GBE1: variants seen among roughly 807,000 people sequenced by gnomAD.
GBE1 encodes 1,4-alpha-glucan-branching enzyme.
A neutral mutation model predicts 88.8 loss-of-function variants in GBE1; 70 were observed. That is an observed-to-expected ratio of 0.79 (90% CI 0.65 to 0.96). The LOEUF (loss-of-function observed/expected upper bound fraction) is 0.96. Ranked by LOEUF, GBE1 falls within the 40% of genes least tolerant of loss-of-function variation. The pLI is 0.00. For missense variants in GBE1, 872 were observed against 871.0 expected, an observed-to-expected ratio of 1.00 and a Z score of -0.01; for synonymous variants, 284 against 300.1, an observed-to-expected ratio of 0.95 and a Z score of 0.56.
chr3:81,619,182 G>C (rs1704290682), intron 7 of GBE1, among the ~76,000 whole-genome samples: 1 of 84,910 alleles, frequency 1.2e-5, no homozygotes, highest in Non-Finnish European at 2.1e-5. Flanking sequence ...ATATTCTGCA[G>C]ACCCCTCAGC....
At chr3:81,501,975 T>A (rs370480635) in intron 14 of GBE1, among the ~76,000 whole-genome samples, 1 of 150,934 alleles carries the variant, frequency 6.6e-6, no homozygotes, top group Admixed American at 6.6e-5. Flanking sequence ...CTGGGATTAA[T>A]GAGCTACCAT....
intron 1 of GBE1, among the ~76,000 whole-genome samples, chr3:81,708,006 A>C (rs1385619032): frequency 6.6e-6 from 1 of 152,032 alleles, no homozygotes; most frequent in Non-Finnish European, 1.5e-5. Context: ...ATAACAAATA[A>C]CTACCATTTT....
chr3:81,761,301 C>A lies in GBE1; in HGVS notation c.143+74G>T, dbSNP rs557493948. 18 of 1,517,810 alleles carry A rather than the reference C, an allele frequency of 1.2e-5. No individual in the cohort carries two copies. In the African/African-American group the frequency reaches 1.3e-4, roughly 11 times the overall value. The allele number at this position is 1,517,810 out of a possible 1,614,324, so 94.0% of individuals were successfully genotyped here. On this transcript the variant is annotated intron_variant, in intron 1 of 15. Transcript: ENST00000429644. ...GGGTTGGCGCGCGAGGGCCGAGGGG[C>A]GGCCCGTGTCCCGAGACGGCTCCTG...
intron 3 of GBE1, among the ~76,000 whole-genome samples, chr3:81,662,663 A>C (rs1171681663): frequency 1.4e-5 from 2 of 139,494 alleles, no homozygotes; most frequent in Non-Finnish European, 3.1e-5. Context: ...ACAGTTTTGT[A>C]AAAAAAAAAA....
At chr3:81,565,833 T>C (rs946574052) in intron 12 of GBE1, among the ~76,000 whole-genome samples, 1 of 152,128 alleles carries the variant, frequency 6.6e-6, no homozygotes, top group Non-Finnish European at 1.5e-5. Flanking sequence ...AAACAAAAAA[T>C]ACTTTGTTCT....
At chr3:81,702,044 T>G (rs1705695636) in intron 2 of GBE1, among the ~76,000 whole-genome samples, 1 of 150,558 alleles carries the variant, frequency 6.6e-6, no homozygotes, top group African/African-American at 2.4e-5. Flanking sequence ...AAAAACGGAT[T>G]TTATGTTAAT....
At chr3:81,680,400 G>T (rs1013256145) in intron 2 of GBE1, among the ~76,000 whole-genome samples, 1 of 151,786 alleles carries the variant, frequency 6.6e-6, no homozygotes, top group Non-Finnish European at 1.5e-5. Context: ...GGAAGCTGAG[G>T]CAGGAGAATG....
rs547372570 is a variant in GBE1, at chr3:81,741,339, T to C, written c.143+20036A>G. Among the ~76,000 whole-genome samples the C allele has an allele frequency of 2.0e-5, 3 of 152,216 alleles. No individual in the cohort carries two copies. In the South Asian group the frequency reaches 6.2e-4, roughly 32 times the overall value. ...TTTTTTTTAAGCCAAAGAAAAAGTA[T>C]TCAGACCTGGAGTGAATCACAATGC... On this transcript the variant is annotated intron_variant, in intron 1 of 15. Transcript: ENST00000429644.
chr3:81,688,974 T>A (rs1007624070), intron 2 of GBE1, among the ~76,000 whole-genome samples: 2 of 152,160 alleles, frequency 1.3e-5, no homozygotes, highest in Non-Finnish European at 2.9e-5. Context: ...AGGCTATTAA[T>A]CTAAAAATTC....
chr3:81,627,068 C>T (rs1039983640), intron 7 of GBE1, among the ~76,000 whole-genome samples: 7 of 152,024 alleles, frequency 4.6e-5, no homozygotes, highest in African/African-American at 1.2e-4. Flanking sequence ...ATTGTTATTT[C>T]GTGAATGAAG....
intron 7 of GBE1, among the ~76,000 whole-genome samples, chr3:81,633,000 T>G (rs555150298): frequency 6.6e-6 from 1 of 152,302 alleles, no homozygotes; most frequent in Non-Finnish European, 1.5e-5. Context: ...TGATCACAGT[T>G]GGTCAGTTCC....
rs552896966 is a variant in GBE1, at chr3:81,507,339, C to T, written c.1935-8112G>A. Among the ~76,000 whole-genome samples the T allele has an allele frequency of 9.9e-4, 151 of 152,184 alleles. 1 individual carries two copies. Among genetic ancestry groups the T allele is most frequent in the African/African-American group, 3.4e-3 (143 of 41,518 alleles). On this transcript the variant is annotated intron_variant, in intron 14 of 15. Coordinates refer to ENST00000429644, the MANE Select transcript of GBE1 (RefSeq NM_000158.4). ...CAGCACTTTGGGAGGCCGAGGCGGG[C>T]AGATCACGAGGTCAGGAGATCGAGA... is the stretch of plus-strand genomic sequence containing the variant.
chr3:81,740,824 C>A (rs1408372678), intron 1 of GBE1, among the ~76,000 whole-genome samples: 6 of 151,492 alleles, frequency 4.0e-5, no homozygotes, highest in Middle Eastern at 3.2e-3. Flanking sequence ...CTAAAAGAAT[C>A]CATCACAAAC....
intron 12 of GBE1, among the ~76,000 whole-genome samples, chr3:81,539,610 C>T (rs1426045400): frequency 1.3e-5 from 2 of 151,856 alleles, no homozygotes; most frequent in African/African-American, 4.8e-5. Flanking sequence ...TGTGGAAACA[C>T]AGAAAAGAAT....
At chr3:81,667,751 T>C (rs1705133318) in intron 3 of GBE1, among the ~76,000 whole-genome samples, 1 of 152,214 alleles carries the variant, frequency 6.6e-6, no homozygotes, top group African/African-American at 2.4e-5. Context: ...ATTACATTAG[T>C]TGATTTGCAT....
chr3:81,719,967 GA>G (rs1445012584), intron 1 of GBE1, among the ~76,000 whole-genome samples: 1 of 152,072 alleles, frequency 6.6e-6, no homozygotes, highest in Non-Finnish European at 1.5e-5. Flanking sequence ...CAGGATAAAT[GA>G]ATCAGTTATC....
intron 9 of GBE1, among the ~76,000 whole-genome samples, chr3:81,589,975 T>C (rs1239510224): frequency 1.3e-5 from 2 of 151,988 alleles, no homozygotes; most frequent in Non-Finnish European, 2.9e-5. Context: ...GGTGTCTAAA[T>C]TGTATGGTAG....
rs1559673607 is a variant in GBE1, at chr3:81,642,990, G to C, written c.783C>G (p.Ser261Arg). The C allele has an allele frequency of 2.5e-6, 4 of 1,598,694 alleles. No homozygotes were observed. Among genetic ancestry groups the C allele is most frequent in the Non-Finnish European group, 3.4e-6 (4 of 1,169,692 alleles). Residue 261 changes from serine to arginine, a missense_variant and splice_region_variant, in exon 7 of 16, where the codon AGC (serine) becomes AGG (arginine). By Grantham distance (110) the Ser-to-Arg change is moderately radical. Transcript: ENST00000429644. Reference protein sequence around the residue: ...YQITSFFAASSRYGTPEELQE... With the variant: ...YQITSFFAASRRYGTPEELQE... ...GTAGCTCTTCAGGTGTTCCATAACGGCTAACAATGAAGAACACAGCAAAAA... is the reference window on the plus strand; with the variant it reads ...GTAGCTCTTCAGGTGTTCCATAACGCCTAACAATGAAGAACACAGCAAAAA...
chr3:81,695,726 G>T (rs1705581344), intron 2 of GBE1, among the ~76,000 whole-genome samples: 1 of 152,070 alleles, frequency 6.6e-6, no homozygotes. Context: ...GTATTAACAG[G>T]CCTTCAAGAT....
Sources: gnomAD v4.1 joint callset for allele counts (sites outside exome capture counted in the v4.1 genomes callset) on GRCh38, gnomAD v4.1.1 for gene constraint, MANE v1.5 for transcripts, NCBI Gene and HGNC (gene_info 2026-07-23, HGNC 2026-07-21) for gene names.